LHX4: variants seen among roughly 807,000 people sequenced by gnomAD.
The protein encoded by LHX4 is LIM homeobox 4, also known as LIM/homeobox protein Lhx4.
In LHX4, 16 loss-of-function variants were observed where a neutral mutation model predicts 39.2. The ratio of observed to expected loss-of-function variants is 0.41; its 90% CI spans 0.28 to 0.62. LHX4 has a LOEUF of 0.62. LHX4 is among the 20% of genes least tolerant of loss of function. LHX4 has a pLI of 0.33. For missense variants in LHX4, 439 were observed against 511.9 expected (o/e 0.86, Z 1.37); for synonymous variants, 206 against 198.1 (o/e 1.04, Z -0.33).
At chr1:180,241,387 T>G (rs1239270384) in intron 1 of LHX4, among the ~76,000 whole-genome samples, 2 of 152,170 alleles carry the variant, frequency 1.3e-5, no homozygotes, top group African/African-American at 4.8e-5. Context: ...AAAAGGTATA[T>G]TGGGAAATAA....
In LHX4 at chr1:180,266,341, C is replaced by T. The variant is rs1215588090; in HGVS notation, c.249-51C>T. The T allele has an allele frequency of 2.5e-6, 4 of 1,590,526 alleles. No individual in the cohort carries two copies. Among genetic ancestry groups the T allele is most frequent in the Non-Finnish European group, 2.6e-6 (3 of 1,160,456 alleles). ...GGCTGCTCCAGGAAGTTGGGGGAAG[C>T]CAGATCCCTTGCTCCCTGTGTGCCC... On this transcript the variant is annotated intron_variant, in intron 2 of 5. Coordinates refer to ENST00000263726, the MANE Select transcript of LHX4 (RefSeq NM_033343.4). This position sits in a 1 kb window ranked among gnomAD's most constrained non-coding sequence, Gnocchi z 5.7.
chr1:180,255,154 G>A (rs889074846), intron 2 of LHX4, among the ~76,000 whole-genome samples: 16 of 152,254 alleles, frequency 1.1e-4, no homozygotes, highest in African/African-American at 3.4e-4. Flanking sequence ...GGCAGCCCGC[G>A]CCTGGGTGGC....
At position 180,245,783 on chromosome 1, in the gene LHX4, A is replaced by G. The variant is rs371723080; in HGVS notation, c.77-2502A>G. On this transcript the variant is annotated intron_variant, in intron 1 of 5. Transcript: ENST00000263726. ...TACAGGTGAGGAAACTGAGGCAGAGAGAGGCTAAGTCATTTTTCCAATTTA... is the reference window on the plus strand; with the variant it reads ...TACAGGTGAGGAAACTGAGGCAGAGGGAGGCTAAGTCATTTTTCCAATTTA... Among the ~76,000 whole-genome samples, 13 of 144,066 alleles carry G rather than the reference A, an allele frequency of 9.0e-5. 1 individual carries two copies. In the South Asian group the frequency reaches 2.0e-3, roughly 22 times the overall value. 94.5% of individuals were successfully genotyped at this position (144,066 alleles called of 152,430 possible).
At chr1:180,253,267 CAG>C (rs1647702408) in intron 2 of LHX4, among the ~76,000 whole-genome samples, 1 of 152,190 alleles carries the variant, frequency 6.6e-6, no homozygotes, top group Non-Finnish European at 1.5e-5. Flanking sequence ...GACCAGGGCC[CAG>C]AGAGAGTAGG....
At position 180,251,947 on chromosome 1, in the gene LHX4, G is replaced by A. The variant is rs543765892; in HGVS notation, c.248+3491G>A. ...GAGGGCCAACCCGAGATGAAGACCA[G>A]GTGGCTCTGAAGTCCTCAGTGGGTG... On this transcript the variant is annotated intron_variant, in intron 2 of 5. Coordinates refer to ENST00000263726, the MANE Select transcript of LHX4 (RefSeq NM_033343.4). 3.3e-5 allele frequency among the ~76,000 whole-genome samples: 5 copies of A among 152,292 alleles called. No homozygotes were observed. The South Asian group carries it at 8.3e-4, about 25-fold the overall frequency.
chr1:180,243,048 G>T (rs1664475588), intron 1 of LHX4, among the ~76,000 whole-genome samples: 1 of 152,130 alleles, frequency 6.6e-6, no homozygotes, highest in Non-Finnish European at 1.5e-5. Context: ...GAGTGCAGGG[G>T]CGCTATCTGG....
Position 180,232,127 on chromosome 1 carries a change from C to T in LHX4, c.76+1522C>T, listed in dbSNP as rs1431453059. 6.6e-6 allele frequency among the ~76,000 whole-genome samples: 1 copy of T among 152,156 alleles called. No individual in the cohort carries two copies. The highest frequency in any genetic ancestry group is 6.5e-5 in the Admixed American group (1 of 15,286). On this transcript the variant is annotated intron_variant, in intron 1 of 5. Transcript: ENST00000263726. This position sits in a 1 kb window ranked among gnomAD's most constrained non-coding sequence, Gnocchi z 5.4. ...AGTGGGTTCTCAGCCCCTGCAAAGACGGAAACAGAAACCCTGCAAAGGTGC... is the reference window on the plus strand; with the variant it reads ...AGTGGGTTCTCAGCCCCTGCAAAGATGGAAACAGAAACCCTGCAAAGGTGC...
At chr1:180,262,356 C>A (rs1175853339) in intron 2 of LHX4, among the ~76,000 whole-genome samples, 1 of 150,982 alleles carries the variant, frequency 6.6e-6, no homozygotes, top group African/African-American at 2.4e-5. Context: ...TCCTTCCCTA[C>A]AAGGTGCCTG....
chr1:180,238,042 C>T (rs543319777), intron 1 of LHX4, among the ~76,000 whole-genome samples: 2 of 152,254 alleles, frequency 1.3e-5, no homozygotes, highest in South Asian at 2.1e-4. Context: ...ATACTAATTA[C>T]GTGACAATAT....
Position 180,232,081 on chromosome 1 carries a change from C to T in LHX4, c.76+1476C>T, listed in dbSNP as rs1664196779. 6.6e-6 allele frequency among the ~76,000 whole-genome samples: 1 copy of T among 152,156 alleles called. No individual in the cohort carries two copies. The highest frequency in any genetic ancestry group is 1.5e-5 in the Non-Finnish European group (1 of 68,036). On this transcript the variant is annotated intron_variant, in intron 1 of 5. Coordinates refer to ENST00000263726, the MANE Select transcript of LHX4 (RefSeq NM_033343.4). The surrounding 1 kb of genome is among the most constrained non-coding windows in gnomAD (Gnocchi z 5.4). ...ATTGGAGATTCACTACGCCCCACAC[C>T]CCGCACACAGGCAGGGACAGAGTGG... is the stretch of plus-strand genomic sequence containing the variant.
upstream of LHX4, among the ~76,000 whole-genome samples, chr1:180,229,683 CG>C (rs1052277883): frequency 4.0e-5 from 6 of 151,504 alleles, no homozygotes; most frequent in African/African-American, 1.2e-4. Context: ...GGAGCGAAGC[CG>C]GGGACCGAGA....
Position 180,276,630 on chromosome 1 carries a change from G to T in LHX4, c.*2051G>T, listed in dbSNP as rs887423762. On this transcript the variant is annotated 3_prime_UTR_variant, in exon 6 of 6. Transcript: ENST00000263726. The stretch of plus-strand genomic sequence containing the variant: ...AAAGGAAAATGCAGTCGTCTTTTTG[G>T]AGGATGGCTTTTTAAATACACCCTT... The T allele has an allele frequency of 6.6e-6, 1 of 152,194 alleles. No individual in the cohort carries two copies. Among genetic ancestry groups the T allele is most frequent in the Admixed American group, 6.5e-5 (1 of 15,284 alleles). 9.4% of individuals were successfully genotyped at this position (152,194 alleles called of 1,614,324 possible). A position where few individuals can be genotyped will look rare whatever the true frequency, so the allele number is the denominator to read the frequency against.
At chr1:180,268,720 A>C (rs975645774) in intron 3 of LHX4, among the ~76,000 whole-genome samples, 1 of 152,210 alleles carries the variant, frequency 6.6e-6, no homozygotes, top group Non-Finnish European at 1.5e-5. Context: ...GTTTTAAAGC[A>C]GCGGAATGTT....
chr1:180,253,405 G>A lies in LHX4; in HGVS notation c.248+4949G>A, dbSNP rs969290526. On this transcript the variant is annotated intron_variant, in intron 2 of 5. Coordinates refer to ENST00000263726, the MANE Select transcript of LHX4 (RefSeq NM_033343.4). The stretch of plus-strand genomic sequence containing the variant: ...GAGCTGGGTTCAAGTGTTGCCTGTC[G>A]GCAGCCAGCTGGGTGCCCCTAGGCA... Among the ~76,000 whole-genome samples the A allele has an allele frequency of 4.6e-5, 7 of 152,350 alleles. 1 individual carries two copies. The highest frequency in any genetic ancestry group is 1.7e-4 in the African/African-American group (7 of 41,584).
intron 2 of LHX4, among the ~76,000 whole-genome samples, chr1:180,259,319 T>C (rs1345091296): frequency 6.6e-6 from 1 of 151,874 alleles, no homozygotes; most frequent in Non-Finnish European, 1.5e-5. Context: ...GCAGGGATCA[T>C]AGAATGCCTG....
At chr1:180,272,185 C>T (rs146053300) in intron 5 of LHX4, among the ~76,000 whole-genome samples, 179 bp downstream of exon 5, 1 of 152,104 alleles carries the variant, frequency 6.6e-6, no homozygotes, top group East Asian at 1.9e-4. Context: ...TACCATGGGA[C>T]AGGAGTAGGA....
chr1:180,245,997 T>C (rs1377597448), intron 1 of LHX4, among the ~76,000 whole-genome samples: 1 of 151,248 alleles, frequency 6.6e-6, no homozygotes, highest in Admixed American at 6.6e-5. Flanking sequence ...GGAGGAAAAC[T>C]GTGGAGATAG....
upstream of LHX4, among the ~76,000 whole-genome samples, chr1:180,228,913 C>G (rs1465064342): frequency 6.6e-6 from 1 of 152,086 alleles, no homozygotes; most frequent in Non-Finnish European, 1.5e-5. Flanking sequence ...TGGAAGGACA[C>G]GTATGTCTGC....
chr1:180,274,504 A>C lies in LHX4; in HGVS notation c.1098A>C (p.Gly366=). ...GACCCACCTCTGACATCTCCACAGG[A>C]AGCAGTGTAGGCTATCCCGACTTTC... is the stretch of plus-strand genomic sequence containing the variant. ...AGGPTSDIST[G]SSVGYPDFPT... The change falls in exon 6 of 6, where the codon GGA becomes GGC. Residue 366 remains glycine, a synonymous_variant. Transcript: ENST00000263726. 6.2e-7 allele frequency: 1 copy of C among 1,613,298 alleles called. No individual in the cohort carries two copies. The highest frequency in any genetic ancestry group is 8.5e-7 in the Non-Finnish European group (1 of 1,179,976).
Sources: allele counts gnomAD v4.1 joint callset (sites outside exome capture counted in the v4.1 genomes callset), GRCh38; gene constraint gnomAD v4.1.1; non-coding constraint Gnocchi (gnomAD v3.1); transcripts MANE v1.5; gene names NCBI Gene and HGNC (gene_info 2026-07-23, HGNC 2026-07-21).